Variants in LRP1B observed in about 807,000 individuals in gnomAD.
The protein encoded by LRP1B is low-density lipoprotein receptor-related protein 1B.
In LRP1B, 217 loss-of-function variants were observed where a neutral mutation model predicts 556.6. The observed-to-expected ratio is 0.39, with a 90% CI of 0.35 to 0.44. LRP1B has a LOEUF of 0.44. Ranked by LOEUF, LRP1B falls within the 20% of genes least tolerant of loss-of-function variation. LRP1B has a pLI of 1.00. For synonymous variants in LRP1B, 2,047 were observed against 1,865.8 expected, an observed-to-expected ratio of 1.10 and a Z score of -2.50; for missense variants, 5,053 against 5,620.8, an observed-to-expected ratio of 0.90 and a Z score of 3.23.
At chr2:141,926,416 C>T (rs1341001877) in intron 1 of LRP1B, among the ~76,000 whole-genome samples, 4 of 152,206 alleles carry the variant, frequency 2.6e-5, no homozygotes, top group Admixed American at 2.0e-4. Context: ...ATGAGCACAG[C>T]GCTTAGAAAC....
intron 18 of LRP1B, among the ~76,000 whole-genome samples, chr2:140,964,132 C>G (rs1055889841): frequency 6.6e-6 from 1 of 152,054 alleles, no homozygotes; most frequent in African/African-American, 2.4e-5. Context: ...GCCTGGCAGC[C>G]GAGGCAGAGA....
At chr2:140,797,692 T>C (rs1690365632) in intron 32 of LRP1B, among the ~76,000 whole-genome samples, 1 of 152,142 alleles carries the variant, frequency 6.6e-6, no homozygotes, top group African/African-American at 2.4e-5. Flanking sequence ...TATTTCAGTA[T>C]AATACTTTAA....
intron 86 of LRP1B, among the ~76,000 whole-genome samples, chr2:140,259,496 C>T (rs1041268396): frequency 6.6e-6 from 1 of 151,788 alleles, no homozygotes. Context: ...AATCATTTTT[C>T]TATTATTTTC....
chr2:142,019,289 C>T (rs1294617449), intron 1 of LRP1B, among the ~76,000 whole-genome samples: 4 of 152,072 alleles, frequency 2.6e-5, no homozygotes, highest in East Asian at 1.9e-4. Context: ...TGTGAGCCTA[C>T]GTTAGTTCAG....
At chr2:140,395,718 T>C (rs1480933642) in intron 66 of LRP1B, among the ~76,000 whole-genome samples, 3 of 152,236 alleles carry the variant, frequency 2.0e-5, no homozygotes, top group Non-Finnish European at 4.4e-5. Flanking sequence ...GGTGAATCTA[T>C]AATAAGCTAG....
chr2:141,311,542 T>C (rs1281656811), intron 3 of LRP1B, among the ~76,000 whole-genome samples: 1 of 152,160 alleles, frequency 6.6e-6, no homozygotes, highest in Non-Finnish European at 1.5e-5. Flanking sequence ...TCATATGCAA[T>C]TAGACCTCAA....
rs564302483 is a variant in LRP1B at position 141,123,939 on chromosome 2, A to C, written c.1014-61666T>G. ...GCACATCTCAGCTGGGATTAGTTCT[A>C]TAAGTGATAGAGTAAATTGTTAGTT... On this transcript the variant is annotated intron_variant, in intron 7 of 90. Transcript: ENST00000389484. Among the ~76,000 whole-genome samples, 37 of 152,234 alleles carry C rather than the reference A, an allele frequency of 2.4e-4. 1 individual carries two copies. The South Asian group carries it at 3.9e-3, about 16-fold the overall frequency.
Position 140,700,507 on chromosome 2 carries a change from G to T in LRP1B, c.6542C>A (p.Thr2181Asn), listed in dbSNP as rs1686594529. ...TAAATAGCCTTCATGCCTCAGGCAA[G>T]TAACTCCATCTTCTGCCAAATATCC... Reference protein sequence around the residue: ...AHGYLAEDGVTCLRHEGYLLY... With the variant: ...AHGYLAEDGVNCLRHEGYLLY... Residue 2181 changes from threonine to asparagine, a missense_variant, in exon 41 of 91, where the codon ACT becomes AAT. Around this residue, in one of 5 missense-constraint regions of LRP1B, gnomAD observed 3,619 missense variants for 3,931.9 expected, o/e 0.92. Coordinates refer to ENST00000389484, the MANE Select transcript of LRP1B (RefSeq NM_018557.3). 6.2e-7 allele frequency: 1 copy of T among 1,613,408 alleles called. No individual in the cohort carries two copies. Among genetic ancestry groups the T allele is most frequent in the African/African-American group, 1.3e-5 (1 of 74,858 alleles).
intron 7 of LRP1B, among the ~76,000 whole-genome samples, chr2:141,187,964 C>T (rs1681331147): frequency 6.6e-6 from 1 of 151,900 alleles, no homozygotes; most frequent in South Asian, 2.1e-4. Flanking sequence ...TAATGTTTTA[C>T]TAGTATCTGG....
chr2:141,910,310 T>A (rs1699875423), intron 1 of LRP1B, among the ~76,000 whole-genome samples: 2 of 152,090 alleles, frequency 1.3e-5, no homozygotes, highest in Admixed American at 6.6e-5. Context: ...TAGTATTAGT[T>A]AATGTACTGC....
intron 41 of LRP1B, among the ~76,000 whole-genome samples, chr2:140,692,949 A>C (rs1325433974): frequency 6.6e-6 from 1 of 152,166 alleles, no homozygotes; most frequent in Admixed American, 6.6e-5. Flanking sequence ...TTTTGAATAT[A>C]GTTTGAGTTG....
At chr2:142,122,994 A>G (rs1707511788) in intron 1 of LRP1B, among the ~76,000 whole-genome samples, 1 of 152,028 alleles carries the variant, frequency 6.6e-6, no homozygotes, top group African/African-American at 2.4e-5. Context: ...ACTTGATCTG[A>G]GCAGTAGTGG....
intron 1 of LRP1B, among the ~76,000 whole-genome samples, chr2:141,831,415 T>A (rs1421269137): frequency 6.6e-6 from 1 of 151,654 alleles, no homozygotes; most frequent in Non-Finnish European, 1.5e-5. Context: ...TTCTGGGAGA[T>A]CTGACTTTGT....
intron 3 of LRP1B, among the ~76,000 whole-genome samples, chr2:141,387,990 A>T (rs1689894223): frequency 6.6e-6 from 1 of 152,188 alleles, no homozygotes; most frequent in Non-Finnish European, 1.5e-5. Flanking sequence ...ACCATGTGGG[A>T]TTTACTATAC....
chr2:140,791,865 T>C (rs1278077825), intron 32 of LRP1B, among the ~76,000 whole-genome samples: 1 of 152,184 alleles, frequency 6.6e-6, no homozygotes, highest in Non-Finnish European at 1.5e-5. Flanking sequence ...TATTTTGAGC[T>C]GAAGGCAATT....
At chr2:140,300,908 T>C (rs1010336397) in intron 83 of LRP1B, among the ~76,000 whole-genome samples, 1 of 152,138 alleles carries the variant, frequency 6.6e-6, no homozygotes, top group Non-Finnish European at 1.5e-5. Flanking sequence ...TTGTTATTAT[T>C]TCTATTGAGT....
intron 1 of LRP1B, among the ~76,000 whole-genome samples, chr2:141,971,653 A>C (rs1448071836): frequency 6.6e-6 from 1 of 151,606 alleles, no homozygotes; most frequent in East Asian, 1.9e-4. Flanking sequence ...AGAGCCCATA[A>C]GGCATCAGTG....
chr2:140,738,978 T>A (rs925660353), intron 35 of LRP1B, among the ~76,000 whole-genome samples: 5 of 152,176 alleles, frequency 3.3e-5, no homozygotes, highest in African/African-American at 1.2e-4. Context: ...GTCTCTGATG[T>A]TGCATCACAT....
In LRP1B at chr2:141,297,789, G is replaced by T. The variant is rs547183946; in HGVS notation, c.344-43148C>A. ...AAGATGATAGTACTGGATTTTTCCTGTACTTTTTATATGTCTAAATTTGTT... is the reference window on the plus strand; with the variant it reads ...AAGATGATAGTACTGGATTTTTCCTTTACTTTTTATATGTCTAAATTTGTT... On this transcript the variant is annotated intron_variant, in intron 3 of 90. Coordinates refer to ENST00000389484, the MANE Select transcript of LRP1B (RefSeq NM_018557.3). 1.2e-4 allele frequency among the ~76,000 whole-genome samples: 18 copies of T among 152,162 alleles called. 1 individual carries two copies. The South Asian group carries it at 3.7e-3, about 32-fold the overall frequency.
Sources: allele counts gnomAD v4.1 joint callset (sites outside exome capture counted in the v4.1 genomes callset), GRCh38; gene constraint gnomAD v4.1.1; regional missense constraint gnomAD v4.1.1; transcripts MANE v1.5; gene names NCBI Gene and HGNC (gene_info 2026-07-23, HGNC 2026-07-21).